The following ADK variants were observed in gnomAD, a reference collection of about 807,000 sequenced individuals.
ADK encodes the protein adenosine kinase, also known as N6,N6-dimethyladenosine kinase.
In ADK, 24 loss-of-function variants were observed where a neutral mutation model predicts 44.7. The ratio of observed to expected loss-of-function variants is 0.54; its 90% CI spans 0.39 to 0.76. ADK has a LOEUF of 0.76. Among genes scored for constraint, ADK ranks in the 30% least tolerant of loss-of-function variants. The probability of loss-of-function intolerance (pLI) is 0.00; values close to 1 mark genes in which losing one functional copy is unlikely to be tolerated. For missense variants in ADK, 321 were observed against 425.1 expected, an observed-to-expected ratio of 0.76 and a Z score of 2.15; for synonymous variants, 128 against 142.6, an observed-to-expected ratio of 0.90 and a Z score of 0.73.
Position 74,394,249 on chromosome 10 carries a change from C to A in ADK, c.382C>A (p.His128Asn). 1 of 1,613,988 alleles carries A rather than the reference C, an allele frequency of 6.2e-7. No individual in the cohort carries two copies. Among genetic ancestry groups the A allele is most frequent in the South Asian group, 1.1e-5 (1 of 91,074 alleles). Residue 128 changes from histidine (H) to asparagine (N), a missense_variant, in exon 5 of 11, where the codon CAT becomes AAT. Coordinates refer to ENST00000539909, the MANE Select transcript of ADK (RefSeq NM_006721.4). ...AGCTGCTGAAGCCCATGTGGATGCT[C>A]ATTACTACGAGCAGAATGAGCAGCC... ...RKAAEAHVDA[H>N]YYEQNEQPTG...
At chr10:74,677,125 G>C (rs1855419906) in intron 10 of ADK, among the ~76,000 whole-genome samples, 1 of 152,114 alleles carries the variant, frequency 6.6e-6, no homozygotes, top group Non-Finnish European at 1.5e-5. Flanking sequence ...TAAGCCTGTG[G>C]TTCCAGCTAC....
At chr10:74,596,876 G>C (rs182118060) in intron 8 of ADK, among the ~76,000 whole-genome samples, 12 of 152,170 alleles carry the variant, frequency 7.9e-5, no homozygotes, top group African/African-American at 2.4e-4. Context: ...TTTATACATG[G>C]CTTTTAGTTT....
At chr10:74,520,547 T>C (rs952882324) in intron 6 of ADK, among the ~76,000 whole-genome samples, 1 of 151,622 alleles carries the variant, frequency 6.6e-6, no homozygotes, top group Admixed American at 6.6e-5. Flanking sequence ...GCAAGGACAA[T>C]TTAAAAGAAC....
chr10:74,598,441 C>CTTTTTTTTT (rs915433699), intron 8 of ADK, among the ~76,000 whole-genome samples: 2 of 111,772 alleles, frequency 1.8e-5, no homozygotes, highest in Admixed American at 9.0e-5. Flanking sequence ...AATCTTATTC[C>CTTTTTTTTT]TTTTTTTTTT....
intron 3 of ADK, among the ~76,000 whole-genome samples, chr10:74,231,346 A>G (rs1844755189): frequency 6.6e-6 from 1 of 152,118 alleles, no homozygotes; most frequent in Non-Finnish European, 1.5e-5. Context: ...AATCTTCATC[A>G]TTAGCAACTT....
At chr10:74,284,522 G>A (rs924565945) in intron 3 of ADK, among the ~76,000 whole-genome samples, 60 of 151,808 alleles carry the variant, frequency 4.0e-4, no homozygotes, top group African/African-American at 7.0e-4. Context: ...CTTCGGCCTC[G>A]CCAAGTGCTG....
chr10:74,344,716 CA>C, intron 4 of ADK: 2 of 172,584 alleles, frequency 1.2e-5, no homozygotes, highest in Non-Finnish European at 2.5e-5. Flanking sequence ...TAACACAGTC[CA>C]AAAAGCAGAT....
intron 3 of ADK, among the ~76,000 whole-genome samples, chr10:74,235,450 T>C (rs2132280887): frequency 6.6e-6 from 1 of 152,226 alleles, no homozygotes; most frequent in African/African-American, 2.4e-5. Context: ...ACTACAGGTA[T>C]GTGCCACCAC....
chr10:74,343,888 G>A (rs573928620), intron 4 of ADK, among the ~76,000 whole-genome samples: 14 of 152,244 alleles, frequency 9.2e-5, no homozygotes, highest in Middle Eastern at 3.4e-3. Context: ...GATTACAGGC[G>A]TGAGCAACCA....
At chr10:74,654,499 C>T (rs1475048864) in intron 9 of ADK, among the ~76,000 whole-genome samples, 1 of 152,214 alleles carries the variant, frequency 6.6e-6, no homozygotes, top group African/African-American at 2.4e-5. Flanking sequence ...TTTGATTGCC[C>T]TGGTTTGATC....
At chr10:74,331,626 A>T (rs1482612081) in intron 4 of ADK, among the ~76,000 whole-genome samples, 1 of 152,088 alleles carries the variant, frequency 6.6e-6, no homozygotes. Context: ...CTGGTATTAC[A>T]GGCGCCTGCC....
intron 7 of ADK, among the ~76,000 whole-genome samples, chr10:74,548,051 C>T (rs1849901687): frequency 6.6e-6 from 1 of 152,212 alleles, no homozygotes; most frequent in African/African-American, 2.4e-5. Context: ...CTTGGCCTCC[C>T]AAAGTGCTGG....
chr10:74,489,231 GATA>G (rs980863716), intron 6 of ADK, among the ~76,000 whole-genome samples: 2 of 151,898 alleles, frequency 1.3e-5, no homozygotes, highest in Non-Finnish European at 2.9e-5. Context: ...TTTTCAATCA[GATA>G]ATAAGTTCTC....
intron 9 of ADK, among the ~76,000 whole-genome samples, chr10:74,626,339 C>T (rs1174390642): frequency 1.4e-5 from 2 of 145,872 alleles, no homozygotes; most frequent in Non-Finnish European, 3.0e-5. Flanking sequence ...CTTGCTCTGT[C>T]CCCAGGCTGG....
intron 6 of ADK, among the ~76,000 whole-genome samples, chr10:74,476,534 C>T (rs1846852227): frequency 6.6e-6 from 1 of 151,910 alleles, no homozygotes; most frequent in African/African-American, 2.4e-5. Context: ...TGTGATAAAC[C>T]AATTTACCAG....
intron 1 of ADK, among the ~76,000 whole-genome samples, chr10:74,158,401 A>G (rs1399233869): frequency 1.3e-5 from 2 of 152,220 alleles, no homozygotes; most frequent in African/African-American, 2.4e-5. Context: ...CTTTTAAGCT[A>G]TATTTCTGAA....
intron 1 of ADK, among the ~76,000 whole-genome samples, chr10:74,166,688 AAAAAAAAAAAAAAG>A (rs967838472): frequency 4.4e-5 from 3 of 68,212 alleles, no homozygotes; most frequent in African/African-American, 1.6e-4. Context: ...CTCCGTCTCA[AAAAAAAAAAAAAAG>A]AAAAAAAAAA....
chr10:74,383,412 C>CTGTCTCTG (rs1171778180), intron 4 of ADK, among the ~76,000 whole-genome samples: 11 of 150,294 alleles, frequency 7.3e-5, no homozygotes, highest in Admixed American at 1.3e-4. Flanking sequence ...GTCTCTGTCT[C>CTGTCTCTG]TCTCTCTCTC....
chr10:74,597,023 T>C (rs1473769417), intron 8 of ADK, among the ~76,000 whole-genome samples: 1 of 152,226 alleles, frequency 6.6e-6, no homozygotes, highest in South Asian at 2.1e-4. Context: ...CTCCTCCCTG[T>C]CTTCATCTTC....
Sources: allele counts gnomAD v4.1 joint callset (sites outside exome capture counted in the v4.1 genomes callset), GRCh38; gene constraint gnomAD v4.1.1; transcripts MANE v1.5; gene names NCBI Gene and HGNC (gene_info 2026-07-23, HGNC 2026-07-21).